The following JAZF1 variants were observed in gnomAD, a reference collection of about 807,000 sequenced individuals.
JAZF1 encodes JAZF zinc finger 1.
JAZF1 carries 8 observed loss-of-function variants against 26.4 expected under a neutral mutation model. That is an observed-to-expected ratio of 0.30 (90% confidence interval 0.18 to 0.55). JAZF1 has a LOEUF of 0.55. Among genes scored for constraint, JAZF1 ranks in the 20% least tolerant of loss-of-function variants. JAZF1 has a pLI of 0.94. For synonymous variants in JAZF1, 126 were observed against 122.3 expected (o/e 1.03, Z -0.20); for missense variants, 199 against 322.0 (o/e 0.62, Z 2.92).
At chr7:28,078,854 G>A (rs895241515) in intron 1 of JAZF1, among the ~76,000 whole-genome samples, 1 of 152,146 alleles carries the variant, frequency 6.6e-6, no homozygotes, top group African/African-American at 2.4e-5. Context: ...CATAAAAATT[G>A]TAGGAACAAA....
intron 1 of JAZF1, among the ~76,000 whole-genome samples, chr7:28,152,718 A>T (rs1174431756): frequency 1.3e-5 from 2 of 152,236 alleles, no homozygotes; most frequent in South Asian, 2.1e-4. Context: ...AGAATTACAG[A>T]TAAGAAAGTA....
intron 1 of JAZF1, among the ~76,000 whole-genome samples, chr7:28,150,881 G>A (rs890404466): frequency 2.0e-5 from 3 of 152,144 alleles, no homozygotes; most frequent in African/African-American, 2.4e-5. Context: ...TAGTCATCAA[G>A]TATTTTAGAT....
chr7:27,863,026 A>G (rs914343983), intron 3 of JAZF1, among the ~76,000 whole-genome samples: 1 of 152,160 alleles, frequency 6.6e-6, no homozygotes, highest in Non-Finnish European at 1.5e-5. Flanking sequence ...GCTTCTGGGT[A>G]GGGCCACCAT....
chr7:27,951,089 A>G (rs1785000927), intron 2 of JAZF1, among the ~76,000 whole-genome samples: 1 of 152,200 alleles, frequency 6.6e-6, no homozygotes, highest in Non-Finnish European at 1.5e-5. Context: ...CACGTAACCC[A>G]GCTTTAATTA....
rs112946682 is a variant in JAZF1, at chr7:27,905,921, T to C, written c.189-10505A>G. On this transcript the variant is annotated intron_variant, in intron 2 of 4. Transcript: ENST00000283928. ...TGAAGAAAAGCCACAATATAAAATT[T>C]CATGTTATCATTACTTTATACTTGC... 5.8e-3 allele frequency among the ~76,000 whole-genome samples: 884 copies of C among 152,336 alleles called. 10 individuals carry two copies. The highest frequency in any genetic ancestry group is 0.02 in the African/African-American group (845 of 41,584).
chr7:28,123,676 G>T (rs759955169), intron 1 of JAZF1, among the ~76,000 whole-genome samples: 39 of 152,180 alleles, frequency 2.6e-4, no homozygotes, highest in Admixed American at 5.2e-4. Context: ...ATTTAAAAAT[G>T]GAAATGGACA....
chr7:28,040,811 G>A (rs558950624), intron 1 of JAZF1, among the ~76,000 whole-genome samples: 42 of 152,178 alleles, frequency 2.8e-4, no homozygotes, highest in Admixed American at 5.9e-4. Context: ...GGATGCCAGT[G>A]ACTGCAGCGA....
chr7:27,899,635 A>C (rs903759905), intron 2 of JAZF1, among the ~76,000 whole-genome samples: 1 of 151,716 alleles, frequency 6.6e-6, no homozygotes, highest in Admixed American at 6.6e-5. Flanking sequence ...GGGTCTCTCT[A>C]TGTTGCCCAG....
At chr7:28,030,920 GATAA>G (rs1293945742) in intron 1 of JAZF1, among the ~76,000 whole-genome samples, 1 of 152,118 alleles carries the variant, frequency 6.6e-6, no homozygotes, top group African/African-American at 2.4e-5. Context: ...GATATATTCA[GATAA>G]ATACATTCAT....
At position 28,168,380 on chromosome 7, in the gene JAZF1, CAAA is replaced by C. The variant is rs11301939; in HGVS notation, c.115+12080_115+12082del. Reference sequence around the variant, plus strand: ...TGGGTGACAGAGCGAGACTCCGTCTCAAAAAAAAAAAAAAAAAAAAAAAGATGA... The same window carrying C: ...TGGGTGACAGAGCGAGACTCCGTCTCAAAAAAAAAAAAAAAAAAAAGATGA... On this transcript the variant is annotated intron_variant, in intron 1 of 4. Transcript: ENST00000283928. Among the ~76,000 whole-genome samples, 147 of 71,150 alleles carry C rather than the reference CAAA, an allele frequency of 2.1e-3. 1 individual carries two copies. Among genetic ancestry groups the C allele is most frequent in the African/African-American group, 8.2e-3 (142 of 17,328 alleles). The allele number at this position is 71,150 out of a possible 152,430, so 46.7% of individuals were successfully genotyped here.
intron 4 of JAZF1, among the ~76,000 whole-genome samples, chr7:27,837,183 A>C (rs1231016557): frequency 2.0e-5 from 3 of 152,232 alleles, no homozygotes; most frequent in African/African-American, 7.2e-5. Flanking sequence ...AAACAAAAAA[A>C]CTTTAAAAAT....
intron 4 of JAZF1, among the ~76,000 whole-genome samples, chr7:27,838,468 C>A (rs1782859740): frequency 6.6e-6 from 1 of 152,080 alleles, no homozygotes; most frequent in Non-Finnish European, 1.5e-5. Context: ...AGATCCTGGT[C>A]AGTGCCCAGG....
intron 1 of JAZF1, chr7:28,071,645 G>A (rs1402658643): frequency 2.1e-6 from 1 of 471,594 alleles, no homozygotes; most frequent in Non-Finnish European, 4.4e-6. Flanking sequence ...CAGACCCAAG[G>A]ACGGACCTTC....
chr7:27,849,805 A>G (rs1015064991), intron 3 of JAZF1, among the ~76,000 whole-genome samples: 1 of 107,844 alleles, frequency 9.3e-6, no homozygotes, highest in African/African-American at 3.4e-5. Context: ...GCCCACCTAC[A>G]CGGAGCCCAC....
chr7:27,977,847 T>C (rs570226458), intron 2 of JAZF1, among the ~76,000 whole-genome samples: 7 of 152,312 alleles, frequency 4.6e-5, no homozygotes, highest in Non-Finnish European at 1.0e-4. Flanking sequence ...AGTAAGGACA[T>C]TGTCCTCAGA....
At chr7:28,162,863 G>C (rs1381639005) in intron 1 of JAZF1, among the ~76,000 whole-genome samples, 1 of 152,176 alleles carries the variant, frequency 6.6e-6, no homozygotes, top group Non-Finnish European at 1.5e-5. Context: ...GACTAAATCT[G>C]TTTTTAGGAA....
chr7:28,067,727 A>C (rs1306088150), intron 1 of JAZF1, among the ~76,000 whole-genome samples: 1 of 152,210 alleles, frequency 6.6e-6, no homozygotes, highest in Non-Finnish European at 1.5e-5. Context: ...GTTAAATCTC[A>C]GTGTCAAAAT....
Position 28,011,660 on chromosome 7 carries a change from T to A in JAZF1, c.116-19679A>T, listed in dbSNP as rs183120930. On this transcript the variant is annotated intron_variant, in intron 1 of 4. Transcript: ENST00000283928. ...GGTAATCAGAGCGCAGGGAAATATC[T>A]GCCCAAAAAACAACATAGTGACCCA... Among the ~76,000 whole-genome samples the A allele has an allele frequency of 7.1e-3, 1,081 of 152,252 alleles. 4 individuals are homozygous for A. Among genetic ancestry groups the A allele is most frequent in the South Asian group, 0.02 (97 of 4,818 alleles).
intron 1 of JAZF1, among the ~76,000 whole-genome samples, chr7:28,105,790 T>C (rs60379380): frequency 0.04 from 6,089 of 152,286 alleles, 375 homozygotes; most frequent in African/African-American, 0.13. Context: ...GAAAGAATTA[T>C]ACAAGCGGCT....
Sources: allele counts gnomAD v4.1 joint callset (sites outside exome capture counted in the v4.1 genomes callset), GRCh38; gene constraint gnomAD v4.1.1; transcripts MANE v1.5; gene names NCBI Gene and HGNC (gene_info 2026-07-23, HGNC 2026-07-21).